TPCN2: variants seen among roughly 807,000 people sequenced by gnomAD.
TPCN2 encodes the protein two pore channel protein 2.
In TPCN2, 92 loss-of-function variants were observed where a neutral mutation model predicts 111.4. The observed-to-expected ratio is 0.83, with a 90% confidence interval of 0.70 to 0.98. The LOEUF is 0.98. TPCN2 is among the 50% of genes least tolerant of loss of function. The probability of loss-of-function intolerance (pLI) is 0.00; values close to 1 mark genes in which losing one functional copy is unlikely to be tolerated. For synonymous variants in TPCN2, 405 were observed against 414.5 expected (o/e 0.98, Z 0.28); for missense variants, 995 against 980.1 (o/e 1.02, Z -0.20).
chr11:69,076,310 T>C (rs886167353), intron 13 of TPCN2, among the ~76,000 whole-genome samples: 1 of 152,124 alleles, frequency 6.6e-6, no homozygotes, highest in African/African-American at 2.4e-5. Flanking sequence ...GCCCAGGCTG[T>C]GAGCAGGCAG....
intron 3 of TPCN2, 78 bp downstream of exon 3, chr11:69,054,875 A>C: frequency 6.9e-7 from 1 of 1,446,956 alleles, no homozygotes; most frequent in East Asian, 2.4e-5. Flanking sequence ...CCTGGGGATC[A>C]CCTGGTCTCA....
At chr11:69,072,460 G>T (rs1855579870) in intron 11 of TPCN2, among the ~76,000 whole-genome samples, 167 bp from the exon 12 acceptor site, 1 of 152,102 alleles carries the variant, frequency 6.6e-6, no homozygotes, top group Admixed American at 6.5e-5. Context: ...CTTCTCGGGG[G>T]GACGGCAGTG....
chr11:69,049,379 G>T (rs1047291060), intron 1 of TPCN2, among the ~76,000 whole-genome samples: 1 of 152,220 alleles, frequency 6.6e-6, no homozygotes, highest in African/African-American at 2.4e-5. Flanking sequence ...CCCTCGCCCA[G>T]CCTTGGGCAG....
chr11:69,078,580 G>C lies in TPCN2; in HGVS notation c.1329G>C (p.Leu443=), dbSNP rs773165283. Reference sequence around the variant, plus strand: ...ACTACCTGGGGAACCTCATCGCCCTGGCAAACCTGGTGTCCATTTGCGTGA... The same window carrying C: ...ACTACCTGGGGAACCTCATCGCCCTCGCAAACCTGGTGTCCATTTGCGTGA... ...YFDYLGNLIA[L]ANLVSICVFL... The change falls in exon 14 of 25, where the codon CTG becomes CTC. Residue 443 remains leucine, a synonymous_variant. Transcript: ENST00000294309. 3.7e-6 allele frequency: 6 copies of C among 1,613,940 alleles called. No homozygotes were observed. In the East Asian group the frequency reaches 1.3e-4, roughly 36 times the overall value.
At chr11:69,057,806 C>A in intron 5 of TPCN2, 112 bp downstream of exon 5, 1 of 880,772 alleles carries the variant, frequency 1.1e-6, no homozygotes, top group East Asian at 2.5e-5. Context: ...TCCTGCCCAC[C>A]CGCCCAGCAC....
Position 69,054,720 on chromosome 11 carries a change from G to C in TPCN2, c.175-1G>C. The stretch of plus-strand genomic sequence containing the variant: ...TGCCTCATGTGACTTTTCGCTTGTA[G>C]TACCGCTCCATCAACCACCGGGTGG... On this transcript the variant is annotated splice_acceptor_variant, in intron 2 of 24. Coordinates refer to ENST00000294309, the MANE Select transcript of TPCN2 (RefSeq NM_139075.4). LOFTEE classifies it high-confidence loss of function. 6.2e-7 allele frequency: 1 copy of C among 1,614,138 alleles called. No individual in the cohort carries two copies. Among genetic ancestry groups the C allele is most frequent in the Non-Finnish European group, 8.5e-7 (1 of 1,179,988 alleles).
intron 24 of TPCN2, 103 bp from the exon 25 acceptor site, chr11:69,087,772 T>C: frequency 1.2e-6 from 1 of 842,614 alleles, no homozygotes. Context: ...CCTGTGACAC[T>C]CACTTCGCAT....
At chr11:69,074,559 G>A (rs1855672671) in intron 13 of TPCN2, among the ~76,000 whole-genome samples, 1 of 137,790 alleles carries the variant, frequency 7.3e-6, no homozygotes, top group Non-Finnish European at 1.6e-5. Context: ...TGTCCTAGGG[G>A]CGGAGCTGTT....
chr11:69,087,243 T>C, intron 24 of TPCN2, 37 bp downstream of exon 24: 1 of 1,586,928 alleles, frequency 6.3e-7, no homozygotes, highest in Non-Finnish European at 8.6e-7. Context: ...TCTGGCCCCC[T>C]GGGATGGGAA....
At position 69,088,105 on chromosome 11, in the gene TPCN2, C is replaced by T; in HGVS notation, c.*152C>T. 1.5e-6 allele frequency: 1 copy of T among 646,048 alleles called. No individual in the cohort carries two copies. Among genetic ancestry groups the T allele is most frequent in the Non-Finnish European group, 2.6e-6 (1 of 380,770 alleles). The allele number at this position is 646,048 out of a possible 1,614,324, so 40.0% of individuals were successfully genotyped here. On this transcript the variant is annotated 3_prime_UTR_variant, in exon 25 of 25. Coordinates refer to ENST00000294309, the MANE Select transcript of TPCN2 (RefSeq NM_139075.4). ...CTAAGCTGGGGACAGGAACCAAGTC[C>T]TTTGCGTGTGGCCCAACAACCATCT... is the stretch of plus-strand genomic sequence containing the variant.
chr11:69,078,524 G>A lies in TPCN2; in HGVS notation c.1273G>A (p.Ala425Thr), dbSNP rs377275836. ...PEYQSPFLQS[A>T]QFLFGHYYFD... ...GTACCAGTCTCCGTTTCTGCAGAGC[G>A]CCCAGTTCCTCTTCGGCCACTACTA... Residue 425 changes from alanine to threonine, a missense_variant, in exon 14 of 25, where the codon GCC (alanine) becomes ACC (threonine). Coordinates refer to ENST00000294309, the MANE Select transcript of TPCN2 (RefSeq NM_139075.4). 1.2e-5 allele frequency: 20 copies of A among 1,613,990 alleles called. No homozygotes were observed. In the East Asian group the frequency reaches 1.8e-4, roughly 14 times the overall value.
chr11:69,072,559 G>A, intron 11 of TPCN2, 68 bp from the exon 12 acceptor site: 1 of 1,526,466 alleles, frequency 6.6e-7, no homozygotes, highest in Non-Finnish European at 9.0e-7. Context: ...AGGGCAGGAG[G>A]ACCCAGGCCA....
chr11:69,084,061 G>A, intron 19 of TPCN2, 45 bp downstream of exon 19: 1 of 1,582,766 alleles, frequency 6.3e-7, no homozygotes, highest in Non-Finnish European at 8.7e-7. Context: ...CACTGGAGTG[G>A]GAGGCTGGGA....
In TPCN2 at chr11:69,055,270, C is replaced by T. The variant is rs1565079375; in HGVS notation, c.347C>T (p.Ala116Val). The T allele has an allele frequency of 1.2e-6, 2 of 1,614,148 alleles. No homozygotes were observed. Among genetic ancestry groups the T allele is most frequent in the South Asian group, 1.1e-5 (1 of 91,082 alleles). Residue 116 changes from alanine (A) to valine (V), a missense_variant, in exon 4 of 25, where the codon GCT becomes GTT. Coordinates refer to ENST00000294309, the MANE Select transcript of TPCN2 (RefSeq NM_139075.4). ...TSTADVRYRA[A>V]PWEPPCGLTE... ...ACGGCGGACGTGCGCTACCGCGCTGCTCCCTGGGAGCCGCCCTGCGGCCTG... is the reference window on the plus strand; with the variant it reads ...ACGGCGGACGTGCGCTACCGCGCTGTTCCCTGGGAGCCGCCCTGCGGCCTG...
intron 6 of TPCN2, among the ~76,000 whole-genome samples, chr11:69,063,350 C>T (rs1014602665): frequency 3.3e-5 from 5 of 152,032 alleles, no homozygotes; most frequent in Non-Finnish European, 5.9e-5. Flanking sequence ...GGTGTCGGCA[C>T]GCTGCCAGCC....
At chr11:69,069,317 T>G (rs1424433247) in intron 8 of TPCN2, among the ~76,000 whole-genome samples, 1 of 26,446 alleles carries the variant, frequency 3.8e-5, no homozygotes. Flanking sequence ...GTGACCGCAG[T>G]GGGAGCAGGA....
intron 7 of TPCN2, among the ~76,000 whole-genome samples, chr11:69,067,259 T>A (rs1345056591): frequency 6.6e-6 from 1 of 152,262 alleles, no homozygotes; most frequent in Non-Finnish European, 1.5e-5. Flanking sequence ...GCTGTGGTTC[T>A]GAGCCGGCCT....
chr11:69,062,100 C>T (rs771508163), intron 5 of TPCN2, among the ~76,000 whole-genome samples: 6 of 152,090 alleles, frequency 3.9e-5, no homozygotes, highest in Non-Finnish European at 8.8e-5. Context: ...GAAGCATCCA[C>T]TCATGGCAGA....
intron 17 of TPCN2, among the ~76,000 whole-genome samples, chr11:69,080,130 C>G (rs920609748): frequency 5.3e-5 from 8 of 152,260 alleles, no homozygotes; most frequent in Non-Finnish European, 1.0e-4. Context: ...CCGTTGTTCC[C>G]CCTTGGAGAT....
Sources: allele counts gnomAD v4.1 joint callset (sites outside exome capture counted in the v4.1 genomes callset), GRCh38; gene constraint gnomAD v4.1.1; transcripts MANE v1.5; gene names NCBI Gene and HGNC (gene_info 2026-07-23, HGNC 2026-07-21).